Variants in KCNIP4 observed in about 807,000 individuals in gnomAD.
KCNIP4 encodes the protein potassium voltage-gated channel interacting protein 4.
Under a neutral mutation model 34.0 loss-of-function variants are expected in KCNIP4, and 12 were observed. The observed-to-expected ratio is 0.35, with a 90% CI of 0.23 to 0.57. The LOEUF (loss-of-function observed/expected upper bound fraction) is 0.57. Among genes scored for constraint, KCNIP4 ranks in the 20% least tolerant of loss-of-function variants. The pLI is 0.83. For synonymous variants in KCNIP4, 124 were observed against 102.2 expected (o/e 1.21, Z -1.29); for missense variants, 238 against 311.7 (o/e 0.76, Z 1.78).
intron 1 of KCNIP4, among the ~76,000 whole-genome samples, chr4:21,142,497 G>A (rs1366578132): frequency 6.6e-6 from 1 of 152,106 alleles, no homozygotes; most frequent in African/African-American, 2.4e-5. Flanking sequence ...TGTTTTGGGG[G>A]CTCTGTAGTG....
intron 1 of KCNIP4, among the ~76,000 whole-genome samples, chr4:21,067,690 G>T (rs1466130138): frequency 2.6e-5 from 4 of 152,182 alleles, no homozygotes; most frequent in Admixed American, 6.5e-5. Context: ...GAGACCCAGT[G>T]CTGTGCAGTC....
rs190496003 is a variant in KCNIP4, at chr4:21,792,191, T to C, written c.61+156380A>G. On this transcript the variant is annotated intron_variant, in intron 1 of 8. Transcript: ENST00000382152. ...AAGTTTCACAAGCACATAAACCGTA[T>C]CTGTCTTATCCCCCTCCATTCCCAG... Among the ~76,000 whole-genome samples the C allele has an allele frequency of 4.8e-5, 6 of 125,632 alleles. No homozygotes were observed. The East Asian group carries it at 1.2e-3, about 25-fold the overall frequency. The allele number at this position is 125,632 out of a possible 152,430, so 82.4% of individuals were successfully genotyped here. A position where few individuals can be genotyped will look rare whatever the true frequency, so the allele number is the denominator to read the frequency against.
chr4:20,752,451 G>T (rs1753827923), intron 4 of KCNIP4: 1 of 152,252 alleles, frequency 6.6e-6, no homozygotes, highest in African/African-American at 2.4e-5. Context: ...GTAAATATTA[G>T]CTATTATTAT....
chr4:21,647,892 T>TTTTG (rs1747147022), intron 1 of KCNIP4, among the ~76,000 whole-genome samples: 1 of 112,326 alleles, frequency 8.9e-6, no homozygotes, highest in East Asian at 5.1e-4. Flanking sequence ...TTTTTTTTTT[T>TTTTG]AGACAGTGTC....
intron 1 of KCNIP4, among the ~76,000 whole-genome samples, chr4:21,364,236 G>A (rs552406588): frequency 9.9e-5 from 15 of 152,074 alleles, no homozygotes; most frequent in Non-Finnish European, 1.3e-4. Context: ...ATTCATTTAC[G>A]CATTTGCTCT....
At chr4:21,172,120 C>T (rs539489015) in intron 1 of KCNIP4, among the ~76,000 whole-genome samples, 3 of 152,190 alleles carry the variant, frequency 2.0e-5, no homozygotes, top group Admixed American at 6.5e-5. Flanking sequence ...CTCTGCCTCC[C>T]GGGTTCAAGC....
At chr4:21,331,797 G>A (rs556248427) in intron 1 of KCNIP4, among the ~76,000 whole-genome samples, 38 of 152,012 alleles carry the variant, frequency 2.5e-4, no homozygotes, top group African/African-American at 4.8e-4. Flanking sequence ...ATCTTTAGAC[G>A]TTTATCAGTT....
chr4:21,115,495 A>T (rs1380126988), intron 1 of KCNIP4, among the ~76,000 whole-genome samples: 1 of 152,222 alleles, frequency 6.6e-6, no homozygotes, highest in Non-Finnish European at 1.5e-5. Context: ...TAGACACTTC[A>T]TATTGGTGTG....
chr4:20,928,806 G>A (rs530379535), intron 1 of KCNIP4, among the ~76,000 whole-genome samples: 135 of 151,776 alleles, frequency 8.9e-4, no homozygotes, highest in African/African-American at 3.2e-3. Flanking sequence ...TGATTATAAC[G>A]GGCTATTATA....
At chr4:21,948,457 A>G in intron 1 of KCNIP4, 114 bp downstream of exon 1, 2 of 1,170,730 alleles carry the variant, frequency 1.7e-6, no homozygotes, top group South Asian at 1.6e-5. Flanking sequence ...ACTGTGTCTC[A>G]TGCAGCGAAG....
At chr4:21,307,602 G>A (rs554969073) in intron 1 of KCNIP4, among the ~76,000 whole-genome samples, 1 of 152,272 alleles carries the variant, frequency 6.6e-6, no homozygotes, top group East Asian at 1.9e-4. Context: ...CCAGAATGGT[G>A]CCTGGTGAAT....
chr4:21,001,240 T>C (rs543852528), intron 1 of KCNIP4, among the ~76,000 whole-genome samples: 1 of 152,340 alleles, frequency 6.6e-6, no homozygotes, highest in South Asian at 2.1e-4. Context: ...ATATTTTGTA[T>C]TGTTATGTTA....
chr4:21,607,858 G>A (rs1392580637), intron 1 of KCNIP4, among the ~76,000 whole-genome samples: 1 of 152,036 alleles, frequency 6.6e-6, no homozygotes, highest in Non-Finnish European at 1.5e-5. Flanking sequence ...ACAGCTGGTG[G>A]ACTCTCTAGT....
chr4:21,607,403 T>C (rs1018937033), intron 1 of KCNIP4, among the ~76,000 whole-genome samples: 1 of 152,116 alleles, frequency 6.6e-6, no homozygotes, highest in East Asian at 1.9e-4. Flanking sequence ...ATTAAACATA[T>C]GGCGAATGCC....
At chr4:21,814,740 C>T (rs1721890363) in intron 1 of KCNIP4, among the ~76,000 whole-genome samples, 2 of 152,078 alleles carry the variant, frequency 1.3e-5, no homozygotes, top group Non-Finnish European at 2.9e-5. Flanking sequence ...CTGCAAATGC[C>T]CAAGCTTCAA....
chr4:20,944,256 G>A (rs1731953959), intron 1 of KCNIP4, among the ~76,000 whole-genome samples: 1 of 152,152 alleles, frequency 6.6e-6, no homozygotes. Context: ...TGAGTGATCT[G>A]GAGGAGCAGT....
intron 1 of KCNIP4, among the ~76,000 whole-genome samples, chr4:21,297,120 A>ATATG (rs1421595003): frequency 6.6e-6 from 1 of 151,144 alleles, no homozygotes; most frequent in Non-Finnish European, 1.5e-5. Flanking sequence ...ATATATATAT[A>ATATG]TATTTGGAAA....
At chr4:21,380,748 A>G (rs1203869449) in intron 1 of KCNIP4, among the ~76,000 whole-genome samples, 1 of 151,972 alleles carries the variant, frequency 6.6e-6, no homozygotes, top group African/African-American at 2.4e-5. Flanking sequence ...GGACAGACCT[A>G]CTTTGTTCCT....
chr4:20,934,069 T>C (rs916241960), intron 1 of KCNIP4, among the ~76,000 whole-genome samples: 1 of 152,164 alleles, frequency 6.6e-6, no homozygotes, highest in African/African-American at 2.4e-5. Flanking sequence ...ACAAAAAAGA[T>C]ATTTCCTATA....
Sources: allele counts gnomAD v4.1 joint callset (sites outside exome capture counted in the v4.1 genomes callset), GRCh38; gene constraint gnomAD v4.1.1; transcripts MANE v1.5; gene names NCBI Gene and HGNC (gene_info 2026-07-23, HGNC 2026-07-21).